Variants in DDX60L observed in about 807,000 individuals in gnomAD.
The protein encoded by DDX60L is probable ATP-dependent RNA helicase DDX60-like.
A neutral mutation model predicts 211.6 loss-of-function variants in DDX60L; 191 were observed. That is an observed-to-expected ratio of 0.90 (90% CI 0.80 to 1.02). The LOEUF (loss-of-function observed/expected upper bound fraction) is 1.02. Ranked by LOEUF, DDX60L falls within the 50% of genes least tolerant of loss-of-function variation. DDX60L has a pLI of 0.00. For synonymous variants in DDX60L, 706 were observed against 694.1 expected (o/e 1.02, Z -0.27); for missense variants, 2,007 against 1,984.1 (o/e 1.01, Z -0.22).
chr4:168,406,544 T>C lies in DDX60L; in HGVS notation c.3084+58A>G. Reference sequence around the variant, plus strand: ...GCTTACCTGTAGAGTAATTTTGCTATATTCTGGAATAGCATTAACTAAAGT... The same window carrying C: ...GCTTACCTGTAGAGTAATTTTGCTACATTCTGGAATAGCATTAACTAAAGT... On this transcript the variant is annotated intron_variant, in intron 23 of 37. Transcript: ENST00000682922. The C allele has an allele frequency of 4.8e-6, 6 of 1,261,242 alleles. No individual in the cohort carries two copies. In the Admixed American group the frequency reaches 6.2e-5, roughly 13 times the overall value. 78.1% of individuals were successfully genotyped at this position (1,261,242 alleles called of 1,614,324 possible).
Position 168,432,447 on chromosome 4 carries a change from G to C in DDX60L, c.1516+8C>G. 6.6e-7 allele frequency: 1 copy of C among 1,524,310 alleles called. No homozygotes were observed. The highest frequency in any genetic ancestry group is 8.9e-7 in the Non-Finnish European group (1 of 1,123,516). 94.4% of individuals were successfully genotyped at this position (1,524,310 alleles called of 1,614,324 possible). On this transcript the variant is annotated splice_region_variant and intron_variant, in intron 12 of 37. Coordinates refer to ENST00000682922, the MANE Select transcript of DDX60L (RefSeq NM_001012967.3). ...TAAGCTCTATTTTATCGTGGTTACA[G>C]AGCTCACCATCAACATGACATTTGA...
rs769033463 is a variant in DDX60L at position 168,406,088 on chromosome 4, A to G, written c.3085-10T>C. ...CCTCTGGACACAATTCCTTGGGGGG[A>G]AAATTATCACAAAATTAAGCTAAGC... On this transcript the variant is annotated splice_polypyrimidine_tract_variant and intron_variant, in intron 23 of 37. Transcript: ENST00000682922. 26 of 1,583,576 alleles carry G rather than the reference A, an allele frequency of 1.6e-5. No individual in the cohort carries two copies. The highest frequency in any genetic ancestry group is 8.2e-5 in the South Asian group (7 of 84,892).
rs1367305600 is a variant in DDX60L, at chr4:168,391,581, C to A, written c.3874G>T (p.Ala1292Ser). The A allele has an allele frequency of 5.2e-5, 83 of 1,588,728 alleles. No homozygotes were observed. The highest frequency in any genetic ancestry group is 6.9e-5 in the Non-Finnish European group (81 of 1,166,952). ...GCATCCAGATAGACTGAGTCTTGGG[C>A]AAAAACAACAGATTTGCATGGCATG... ...IHMPCKSVVF[A>S]QDSVYLDALN... The change falls in exon 29 of 38, where the codon GCC becomes TCC. Residue 1292 changes from alanine to serine, a missense_variant. By Grantham distance (99) the Ala-to-Ser change is moderately conservative. Coordinates refer to ENST00000682922, the MANE Select transcript of DDX60L (RefSeq NM_001012967.3).
At chr4:168,426,765 C>T (rs1561049612) in intron 14 of DDX60L, among the ~76,000 whole-genome samples, 2 of 152,168 alleles carry the variant, frequency 1.3e-5, no homozygotes, top group Admixed American at 1.3e-4. Flanking sequence ...TGCTGCTGAG[C>T]CTCACCTTGC....
chr4:168,430,667 A>T, intron 12 of DDX60L, 29 bp from the exon 13 acceptor site: 1 of 1,460,938 alleles, frequency 6.8e-7, no homozygotes, highest in Non-Finnish European at 9.1e-7. Context: ...AAATGTAAAC[A>T]TGTATTTTAA....
chr4:168,449,034 G>A (rs553718702), intron 8 of DDX60L, among the ~76,000 whole-genome samples: 4 of 152,220 alleles, frequency 2.6e-5, no homozygotes, highest in Admixed American at 2.6e-4. Context: ...CCCTTAATGT[G>A]GTACTAAAAC....
intron 1 of DDX60L, among the ~76,000 whole-genome samples, chr4:168,479,857 G>T (rs1228534770): frequency 1.3e-5 from 2 of 151,720 alleles, no homozygotes; most frequent in Non-Finnish European, 1.5e-5. Flanking sequence ...GGTGGCGGGT[G>T]CCTGTAGTCC....
intron 14 of DDX60L, among the ~76,000 whole-genome samples, chr4:168,426,353 C>T (rs1480196233): frequency 4.6e-5 from 7 of 152,198 alleles, no homozygotes; most frequent in Non-Finnish European, 7.3e-5. Context: ...ATGTATATGT[C>T]GGTTCCCCTT....
chr4:168,404,225 G>T, intron 24 of DDX60L, 119 bp from the exon 25 acceptor site: 1 of 722,100 alleles, frequency 1.4e-6, no homozygotes, highest in Non-Finnish European at 2.0e-6. Flanking sequence ...ATTTTGGGTG[G>T]GTTTTTAAAA....
intron 10 of DDX60L, among the ~76,000 whole-genome samples, chr4:168,437,993 C>T (rs1338621884): frequency 6.6e-6 from 1 of 152,160 alleles, no homozygotes; most frequent in Admixed American, 6.5e-5. Context: ...CCTGCCTCAG[C>T]CTCCCGAGTA....
chr4:168,435,078 A>G (rs1177030988), intron 10 of DDX60L, among the ~76,000 whole-genome samples: 3 of 152,126 alleles, frequency 2.0e-5, no homozygotes, highest in Non-Finnish European at 4.4e-5. Context: ...AAGACCCAAA[A>G]TGTCACTGTG....
intron 7 of DDX60L, among the ~76,000 whole-genome samples, chr4:168,454,416 T>C (rs902615265): frequency 6.6e-6 from 1 of 152,168 alleles, no homozygotes; most frequent in Non-Finnish European, 1.5e-5. Context: ...TCAGTTCTCC[T>C]ATATGTATAA....
chr4:168,446,665 A>G (rs1333406147), intron 9 of DDX60L, among the ~76,000 whole-genome samples: 2 of 151,418 alleles, frequency 1.3e-5, no homozygotes, highest in Non-Finnish European at 2.9e-5. Flanking sequence ...ACAGCATGGT[A>G]CTGGTACCAA....
At chr4:168,405,157 C>A (rs771556663) in intron 24 of DDX60L, among the ~76,000 whole-genome samples, 3 of 151,956 alleles carry the variant, frequency 2.0e-5, no homozygotes, top group Non-Finnish European at 4.4e-5. Flanking sequence ...TACAGGCATG[C>A]GCCACCACAT....
intron 28 of DDX60L, 108 bp from the exon 29 acceptor site, chr4:168,391,752 C>G (rs780128260): frequency 4.0e-5 from 22 of 546,028 alleles, no homozygotes; most frequent in Non-Finnish European, 6.6e-5. Context: ...CTTTAACAAA[C>G]CACATGTCAT....
In DDX60L at chr4:168,433,484, A is replaced by G. The variant is rs530222916; in HGVS notation, c.1295-369T>C. ...GCACCACTCAGAGTTCACCTACATA[A>G]AAGCCTCCATGAAAATTAAATCACA... On this transcript the variant is annotated intron_variant, in intron 10 of 37. Transcript: ENST00000682922. Among the ~76,000 whole-genome samples, 228 of 152,134 alleles carry G rather than the reference A, an allele frequency of 1.5e-3. 2 individuals carry two copies. The highest frequency in any genetic ancestry group is 2.6e-3 in the Non-Finnish European group (177 of 67,992).
intron 25 of DDX60L, 54 bp downstream of exon 25, chr4:168,403,928 C>A: frequency 3.3e-6 from 4 of 1,204,352 alleles, no homozygotes; most frequent in South Asian, 2.2e-5. Flanking sequence ...AAAACAAAAC[C>A]AAACAAAAAA....
rs116434864 is a variant in DDX60L, at chr4:168,375,900, C to T, written c.4486-376G>A. Among the ~76,000 whole-genome samples, 604 of 152,334 alleles carry T rather than the reference C, an allele frequency of 4.0e-3. 1 individual carries two copies. Among genetic ancestry groups the T allele is most frequent in the African/African-American group, 0.01 (433 of 41,580 alleles). On this transcript the variant is annotated intron_variant, in intron 33 of 37. Transcript: ENST00000682922. ...TTATTGAGTTCAGATTATGTGCCAA[C>T]ACTGTGCTTTGCTGCCCCAAGCACT...
chr4:168,379,181 G>T (rs928048826), intron 32 of DDX60L, among the ~76,000 whole-genome samples, 182 bp downstream of exon 32: 3 of 152,112 alleles, frequency 2.0e-5, no homozygotes, highest in African/African-American at 7.2e-5. Flanking sequence ...CTCTTTATTA[G>T]AATAAATATC....
Sources: allele counts gnomAD v4.1 joint callset (sites outside exome capture counted in the v4.1 genomes callset), GRCh38; gene constraint gnomAD v4.1.1; transcripts MANE v1.5; gene names NCBI Gene and HGNC (gene_info 2026-07-23, HGNC 2026-07-21).